Variants in LYRM4 observed in about 807,000 individuals in gnomAD.
The protein encoded by LYRM4 is LYR motif-containing protein 4.
In LYRM4, 9 loss-of-function variants were observed where a neutral mutation model predicts 11.7. The ratio of observed to expected loss-of-function variants is 0.77; its 90% CI spans 0.46 to 1.34. The LOEUF (loss-of-function observed/expected upper bound fraction) is 1.34. LYRM4 is among the 40% of genes most tolerant of loss of function. The pLI is 0.00. For synonymous variants in LYRM4, 42 were observed against 40.4 expected (o/e 1.04, Z -0.15); for missense variants, 133 against 112.5 (o/e 1.18, Z -0.82).
At chr6:5,143,977 T>C (rs1757556654) in intron 2 of LYRM4, among the ~76,000 whole-genome samples, 1 of 152,226 alleles carries the variant, frequency 6.6e-6, no homozygotes, top group Non-Finnish European at 1.5e-5. Context: ...GCAGCTGAGC[T>C]CCAATTCTAA....
chr6:5,237,179 G>A (rs1763598414), intron 1 of LYRM4, among the ~76,000 whole-genome samples: 1 of 152,314 alleles, frequency 6.6e-6, no homozygotes, highest in African/African-American at 2.4e-5. Context: ...GGGCTGCACA[G>A]CAGCAGATGA....
chr6:5,194,071 G>T (rs1179546973), intron 2 of LYRM4, among the ~76,000 whole-genome samples: 1 of 124,326 alleles, frequency 8.0e-6, no homozygotes, highest in Admixed American at 8.9e-5. Flanking sequence ...GGGTGTGTGT[G>T]GGGGGGTGGG....
At chr6:5,128,491 G>C (rs1763796827) in intron 2 of LYRM4, among the ~76,000 whole-genome samples, 1 of 152,200 alleles carries the variant, frequency 6.6e-6, no homozygotes, top group African/African-American at 2.4e-5. Flanking sequence ...AAGTGACAAG[G>C]CTGCCTGGCT....
At chr6:5,110,448 G>A (rs1366808259) in intron 2 of LYRM4, among the ~76,000 whole-genome samples, 3 of 152,170 alleles carry the variant, frequency 2.0e-5, no homozygotes, top group East Asian at 3.9e-4. Flanking sequence ...ACCAAGGACC[G>A]CCGCGCCGTC....
intron 1 of LYRM4, among the ~76,000 whole-genome samples, chr6:5,226,244 T>C (rs1007348831): frequency 6.6e-6 from 1 of 152,214 alleles, no homozygotes. Flanking sequence ...AAAATATTCA[T>C]CCATGTGTTC....
At chr6:5,186,631 T>A (rs972569599) in intron 2 of LYRM4, 12 of 982,872 alleles carry the variant, frequency 1.2e-5, no homozygotes, top group Non-Finnish European at 1.1e-5. Flanking sequence ...TGTCTTGGAG[T>A]GGGAATTCAG....
At chr6:5,162,550 G>A (rs13197147) in intron 2 of LYRM4, among the ~76,000 whole-genome samples, 3,995 of 149,460 alleles carry the variant, frequency 0.027, 169 homozygotes, top group African/African-American at 0.092. Context: ...CAGGTGGCAG[G>A]GGAGATCTGT....
intron 1 of LYRM4, among the ~76,000 whole-genome samples, chr6:5,230,377 C>A (rs1384448106): frequency 6.6e-6 from 1 of 152,094 alleles, no homozygotes; most frequent in Non-Finnish European, 1.5e-5. Context: ...CAGTATAGTC[C>A]CCATGTATAA....
chr6:5,066,859 G>A, the LYRM4 span: 39 of 880,268 alleles, frequency 4.4e-5, no homozygotes, highest in African/African-American at 6.0e-4. Context: ...GACAGGCCAC[G>A]GCGGTTCCTC....
At chr6:5,039,784 C>T in the LYRM4 span, among the ~76,000 whole-genome samples, 2 of 151,668 alleles carry the variant, frequency 1.3e-5, no homozygotes, top group South Asian at 2.1e-4. Flanking sequence ...GTGAAAAGGA[C>T]CAAGAAAAGC....
chr6:5,133,131 C>T (rs1306253418), intron 2 of LYRM4, among the ~76,000 whole-genome samples: 1 of 152,174 alleles, frequency 6.6e-6, no homozygotes, highest in Non-Finnish European at 1.5e-5. Flanking sequence ...CACTTGTCCC[C>T]GTGCTGCCAT....
chr6:5,099,391 C>A (rs9378417), downstream of LYRM4, among the ~76,000 whole-genome samples: 2 of 145,442 alleles, frequency 1.4e-5, no homozygotes, highest in African/African-American at 2.6e-5. The surrounding 1 kb of genome is among the most constrained non-coding windows in gnomAD (Gnocchi z 4.3). Context: ...AAATCTATTT[C>A]TCTATCTATC....
At position 5,218,437 on chromosome 6, in the gene LYRM4, GTTTTTTA is replaced by G. The variant is rs1410933131; in HGVS notation, c.87-1706_87-1700del. 3 of 956,916 alleles carry G rather than the reference GTTTTTTA, an allele frequency of 3.1e-6. No homozygotes were observed. In the African/African-American group the frequency reaches 5.3e-5, roughly 17 times the overall value. 59.3% of individuals were successfully genotyped at this position (956,916 alleles called of 1,614,324 possible). A position where few individuals can be genotyped will look rare whatever the true frequency, so the allele number is the denominator to read the frequency against. On this transcript the variant is annotated intron_variant, in intron 1 of 2. Coordinates refer to ENST00000330636, the MANE Select transcript of LYRM4 (RefSeq NM_020408.6). Reference sequence around the variant, plus strand: ...AAAAGGACAAATTGTTTCAGATAAAGTTTTTTAAAGTAAAAAGGCATTTTACATTAAA... The same window carrying G: ...AAAAGGACAAATTGTTTCAGATAAAGAAGTAAAAAGGCATTTTACATTAAA...
At chr6:5,111,919 C>T (rs951587883) in intron 2 of LYRM4, among the ~76,000 whole-genome samples, 1 of 152,194 alleles carries the variant, frequency 6.6e-6, no homozygotes, top group Non-Finnish European at 1.5e-5. Context: ...TCTTTGGGCC[C>T]TCAACAAAGC....
At chr6:5,037,640 T>C in the LYRM4 span, among the ~76,000 whole-genome samples, 17 of 56,118 alleles carry the variant, frequency 3.0e-4, 3 homozygotes, top group East Asian at 1.7e-3. Flanking sequence ...GGCGGGGGGC[T>C]GATCCCCCCA....
chr6:5,107,347 C>T (rs1762691880), downstream of LYRM4: 1 of 152,208 alleles, frequency 6.6e-6, no homozygotes, highest in South Asian at 2.1e-4. Flanking sequence ...AATTTGATGC[C>T]TTCAGCACGG....
intron 2 of LYRM4, among the ~76,000 whole-genome samples, chr6:5,180,954 T>G (rs1185847296): frequency 6.6e-6 from 1 of 152,188 alleles, no homozygotes; most frequent in African/African-American, 2.4e-5. Flanking sequence ...CTACATCCAC[T>G]ACATTATTAT....
the LYRM4 span, among the ~76,000 whole-genome samples, chr6:5,097,827 T>C: frequency 6.6e-6 from 1 of 152,208 alleles, no homozygotes; most frequent in Non-Finnish European, 1.5e-5. Context: ...ATGCACATTG[T>C]TACGACATCA....
the LYRM4 span, among the ~76,000 whole-genome samples, chr6:5,048,992 G>A: frequency 6.6e-6 from 1 of 152,186 alleles, no homozygotes; most frequent in East Asian, 1.9e-4. Flanking sequence ...TAGGGAGGAA[G>A]TTGGGATAAA....
Sources: gnomAD v4.1 joint callset for allele counts (sites outside exome capture counted in the v4.1 genomes callset) on GRCh38, gnomAD v4.1.1 for gene constraint, Gnocchi (gnomAD v3.1) non-coding constraint, MANE v1.5 for transcripts, NCBI Gene and HGNC (gene_info 2026-07-23, HGNC 2026-07-21) for gene names.